The following C11orf65 variants were observed in gnomAD, a reference collection of about 807,000 sequenced individuals.
C11orf65 encodes chromosome 11 open reading frame 65, also known as protein MFI.
Under a neutral mutation model 35.3 loss-of-function variants are expected in C11orf65, and 38 were observed. The ratio of observed to expected loss-of-function variants is 1.08; its 90% CI spans 0.83 to 1.41. The LOEUF is 1.41. C11orf65 is among the 40% of genes most tolerant of loss of function. The pLI is 0.00. For synonymous variants in C11orf65, 105 were observed against 114.4 expected (o/e 0.92, Z 0.53); for missense variants, 370 against 367.1 (o/e 1.01, Z -0.06).
At chr11:108,322,647 T>C (rs1159940395) in intron 6 of C11orf65, among the ~76,000 whole-genome samples, 1 of 152,224 alleles carries the variant, frequency 6.6e-6, no homozygotes, top group Admixed American at 6.5e-5. Context: ...TCTTTCCTTT[T>C]ATCAAGATAT....
chr11:108,449,374 G>C (rs2093313916), intron 2 of C11orf65, among the ~76,000 whole-genome samples: 1 of 151,916 alleles, frequency 6.6e-6, no homozygotes, highest in African/African-American at 2.4e-5. Flanking sequence ...CACACTACCT[G>C]ACTTCAAACT....
At chr11:108,347,704 G>A (rs1430673741) in intron 2 of C11orf65, among the ~76,000 whole-genome samples, 2 of 152,154 alleles carry the variant, frequency 1.3e-5, no homozygotes, top group African/African-American at 4.8e-5. Flanking sequence ...TGTTGTGGGA[G>A]TGGTGAGACA....
intron 6 of C11orf65, among the ~76,000 whole-genome samples, chr11:108,393,990 G>C (rs1037012615): frequency 1.3e-5 from 2 of 152,060 alleles, no homozygotes; most frequent in Non-Finnish European, 2.9e-5. Flanking sequence ...GACCAGCCTG[G>C]CCAACATGGT....
chr11:108,375,748 G>A (rs1452287149), intron 2 of C11orf65, among the ~76,000 whole-genome samples: 9 of 152,050 alleles, frequency 5.9e-5, no homozygotes, highest in East Asian at 3.9e-4. Flanking sequence ...CCCATCTCAC[G>A]TGCAGAGACA....
At chr11:108,343,017 C>T (rs1565557212) in intron 2 of C11orf65, among the ~76,000 whole-genome samples, 1 of 152,136 alleles carries the variant, frequency 6.6e-6, no homozygotes, top group Non-Finnish European at 1.5e-5. Flanking sequence ...TCTCAAACAT[C>T]TAGGCAGCAG....
intron 6 of C11orf65, among the ~76,000 whole-genome samples, chr11:108,313,824 C>T (rs769227991): frequency 6.6e-6 from 1 of 152,142 alleles, no homozygotes; most frequent in Non-Finnish European, 1.5e-5. Flanking sequence ...ACCATATAGG[C>T]AGTTCAATTG....
At chr11:108,343,480 A>G (rs1281701929) in intron 2 of C11orf65, 7 of 1,347,778 alleles carry the variant, frequency 5.2e-6, no homozygotes, top group Non-Finnish European at 7.2e-6. Context: ...TTCATCAGGT[A>G]ATTGTCAAAG....
At chr11:108,426,242 G>A (rs914336815) in intron 3 of C11orf65, among the ~76,000 whole-genome samples, 10 of 152,162 alleles carry the variant, frequency 6.6e-5, no homozygotes, top group African/African-American at 2.4e-4. Flanking sequence ...TGTATATTTA[G>A]AAAGCCCCAT....
chr11:108,361,641 C>T (rs1331200499), intron 2 of C11orf65, among the ~76,000 whole-genome samples: 1 of 151,608 alleles, frequency 6.6e-6, no homozygotes, highest in Non-Finnish European at 1.5e-5. Flanking sequence ...AGAAATAACG[C>T]CGCATGTCTA....
chr11:108,405,291 T>G, intron 6 of C11orf65, 138 bp downstream of exon 6: 1 of 772,818 alleles, frequency 1.3e-6, no homozygotes, highest in Non-Finnish European at 2.0e-6. Flanking sequence ...TGCGTTTTAT[T>G]CATCTGTCGT....
chr11:108,371,622 T>C (rs1440083287), intron 2 of C11orf65, among the ~76,000 whole-genome samples: 1 of 152,212 alleles, frequency 6.6e-6, no homozygotes, highest in Non-Finnish European at 1.5e-5. Flanking sequence ...ACTGTATATA[T>C]TTTATTTATC....
At position 108,435,972 on chromosome 11, in the gene C11orf65, A is replaced by G. The variant is rs546862790; in HGVS notation, c.82-4134T>C. Reference sequence around the variant, plus strand: ...ACTTTGACACAGGGAAATTATCCTCATTGGCCCAAGGTAATTGCAAGGGTC... The same window carrying G: ...ACTTTGACACAGGGAAATTATCCTCGTTGGCCCAAGGTAATTGCAAGGGTC... On this transcript the variant is annotated intron_variant, in intron 2 of 8. Coordinates refer to ENST00000393084, the MANE Select transcript of C11orf65 (RefSeq NM_152587.5). 9.2e-5 allele frequency among the ~76,000 whole-genome samples: 14 copies of G among 152,274 alleles called. No individual in the cohort carries two copies. In the Middle Eastern group the frequency reaches 0.017, roughly 185 times the overall value.
chr11:108,402,135 C>A (rs1331291269), intron 6 of C11orf65, among the ~76,000 whole-genome samples: 1 of 152,152 alleles, frequency 6.6e-6, no homozygotes, highest in Non-Finnish European at 1.5e-5. Context: ...TCATTGTGAG[C>A]TAAAGGCAAT....
At position 108,315,736 on chromosome 11, in the gene C11orf65, T is replaced by A. The variant is rs1240016998; in HGVS notation, c.641-6665A>T. The A allele has an allele frequency of 3.3e-6, 3 of 916,830 alleles. No homozygotes were observed. The African/African-American group carries it at 4.9e-5, about 15-fold the overall frequency. The allele number at this position is 916,830 out of a possible 1,614,324, so 56.8% of individuals were successfully genotyped here. On this transcript the variant is annotated intron_variant, in intron 6 of 6. Coordinates refer to the C11orf65 transcript ENST00000525729. ...ATAACATTTAGAGTTGGGAGTTACA[T>A]ATTGGTAATGATACAATTTAAAATT...
chr11:108,368,668 C>A, intron 2 of C11orf65: 1 of 217,604 alleles, frequency 4.6e-6, no homozygotes. Flanking sequence ...GTGAAGCTAT[C>A]AGAGAAGCTA....
intron 2 of C11orf65, among the ~76,000 whole-genome samples, chr11:108,445,045 C>G (rs982758587): frequency 6.6e-6 from 1 of 152,194 alleles, no homozygotes; most frequent in African/African-American, 2.4e-5. Flanking sequence ...AAGGCAGCAG[C>G]AAGGCTGGAG....
intron 3 of C11orf65, among the ~76,000 whole-genome samples, chr11:108,412,675 G>A (rs1339448553): frequency 3.3e-5 from 5 of 152,188 alleles, no homozygotes; most frequent in African/African-American, 9.6e-5. Context: ...GGTCAAGGGC[G>A]GCAGTGACCC....
At chr11:108,310,996 C>A (rs182218104) in intron 6 of C11orf65, among the ~76,000 whole-genome samples, 27 of 152,266 alleles carry the variant, frequency 1.8e-4, no homozygotes, top group Non-Finnish European at 2.9e-4. Flanking sequence ...TGGCCTGGGT[C>A]TCATTATTTC....
chr11:108,463,473 C>CT (rs758400303), intron 1 of C11orf65, among the ~76,000 whole-genome samples: 1 of 151,998 alleles, frequency 6.6e-6, no homozygotes, highest in Non-Finnish European at 1.5e-5. Context: ...GTCTTTTTTG[C>CT]TTTCCCTACA....
Sources: allele counts gnomAD v4.1 joint callset (sites outside exome capture counted in the v4.1 genomes callset), GRCh38; gene constraint gnomAD v4.1.1; transcripts MANE v1.5; gene names NCBI Gene and HGNC (gene_info 2026-07-23, HGNC 2026-07-21).